The following UNC13C variants were observed in gnomAD, a reference collection of about 807,000 sequenced individuals.
UNC13C encodes unc-13 homolog C.
Under a neutral mutation model 245.4 loss-of-function variants are expected in UNC13C, and 174 were observed. The observed-to-expected ratio is 0.71, with a 90% CI of 0.63 to 0.80. The LOEUF (loss-of-function observed/expected upper bound fraction) is 0.80, where lower values mean the gene tolerates loss of function less well. UNC13C is among the 30% of genes least tolerant of loss of function. UNC13C has a pLI of 0.00. For missense variants in UNC13C, 2,829 were observed against 2,602.9 expected (o/e 1.09, Z -1.89); for synonymous variants, 992 against 895.1 (o/e 1.11, Z -1.93).
At chr15:54,231,263 A>G (rs2035543339) in intron 4 of UNC13C, among the ~76,000 whole-genome samples, 1 of 152,140 alleles carries the variant, frequency 6.6e-6, no homozygotes, top group African/African-American at 2.4e-5. Context: ...ATTATTAAGA[A>G]CATTAAGTCT....
At chr15:53,877,957 A>G in the UNC13C span, among the ~76,000 whole-genome samples, 1 of 152,136 alleles carries the variant, frequency 6.6e-6, no homozygotes, top group Non-Finnish European at 1.5e-5. Context: ...TGTTTCATTT[A>G]TATGTCTTGC....
chr15:54,196,864 T>G (rs1444769340), intron 4 of UNC13C, among the ~76,000 whole-genome samples: 3 of 152,258 alleles, frequency 2.0e-5, no homozygotes, highest in African/African-American at 7.2e-5. Flanking sequence ...GGAACAGTCA[T>G]GCTTAACAGT....
intron 1 of UNC13C, among the ~76,000 whole-genome samples, chr15:53,993,175 G>T (rs1041691932): frequency 6.6e-6 from 1 of 152,106 alleles, no homozygotes; most frequent in African/African-American, 2.4e-5. Context: ...ATGAGACAGA[G>T]AAATATACGC....
intron 30 of UNC13C, among the ~76,000 whole-genome samples, chr15:54,615,300 C>T (rs369619127): frequency 6.6e-6 from 1 of 152,046 alleles, no homozygotes; most frequent in African/African-American, 2.4e-5. Context: ...AAAAGAGGGT[C>T]TGTCTTCTTA....
At chr15:54,463,935 G>A (rs1007566592) in intron 19 of UNC13C, among the ~76,000 whole-genome samples, 1 of 152,204 alleles carries the variant, frequency 6.6e-6, no homozygotes, top group African/African-American at 2.4e-5. Flanking sequence ...GAGAAGGTCA[G>A]AGACTTATAG....
intron 17 of UNC13C, among the ~76,000 whole-genome samples, chr15:54,379,779 T>C (rs1282155790): frequency 6.6e-6 from 1 of 152,206 alleles, no homozygotes; most frequent in African/African-American, 2.4e-5. Context: ...CCACATACGT[T>C]TCTTTTACAT....
the UNC13C span, among the ~76,000 whole-genome samples, chr15:53,897,668 T>A: frequency 6.6e-6 from 1 of 152,354 alleles, no homozygotes; most frequent in East Asian, 1.9e-4. Flanking sequence ...TATTCAGGCC[T>A]TACCCAATGC....
chr15:54,157,671 G>T (rs1043059049), intron 4 of UNC13C, among the ~76,000 whole-genome samples: 5 of 152,126 alleles, frequency 3.3e-5, no homozygotes, highest in African/African-American at 1.2e-4. Flanking sequence ...CAGCATAGCT[G>T]TAAAACATGT....
At chr15:54,112,779 C>T (rs1019614840) in intron 2 of UNC13C, among the ~76,000 whole-genome samples, 4 of 152,158 alleles carry the variant, frequency 2.6e-5, no homozygotes, top group East Asian at 1.9e-4. Context: ...TTCTTTTTAA[C>T]GCTCATGTCA....
At chr15:53,954,223 C>T in the UNC13C span, among the ~76,000 whole-genome samples, 1 of 152,170 alleles carries the variant, frequency 6.6e-6, no homozygotes. Flanking sequence ...CTGCTGCATT[C>T]TTACATCATG....
chr15:54,352,368 T>A (rs1198429875), intron 17 of UNC13C, among the ~76,000 whole-genome samples: 2 of 145,974 alleles, frequency 1.4e-5, no homozygotes, highest in Non-Finnish European at 3.0e-5. Context: ...AGAGAGAGAG[T>A]GAGTCAGGTT....
chr15:54,219,063 A>G (rs952144552), intron 4 of UNC13C, among the ~76,000 whole-genome samples: 2 of 152,028 alleles, frequency 1.3e-5, no homozygotes, highest in African/African-American at 2.4e-5. Context: ...CCATCAAGCT[A>G]CCAATGACTT....
chr15:54,283,011 T>C (rs1172983020), intron 10 of UNC13C, among the ~76,000 whole-genome samples: 1 of 152,090 alleles, frequency 6.6e-6, no homozygotes, highest in Non-Finnish European at 1.5e-5. Context: ...AAGGTGGACA[T>C]GAAAACGTAG....
chr15:53,896,283 A>G, the UNC13C span, among the ~76,000 whole-genome samples: 947 of 152,276 alleles, frequency 6.2e-3, 12 homozygotes, highest in African/African-American at 0.022. Context: ...TATATGTACC[A>G]AATACAATTA....
chr15:53,908,521 T>C, the UNC13C span, among the ~76,000 whole-genome samples: 1 of 145,338 alleles, frequency 6.9e-6, no homozygotes, highest in African/African-American at 2.5e-5. Flanking sequence ...GACAGATTAC[T>C]TAAGCCCAGA....
At chr15:54,049,008 A>AT (rs1393745908) in intron 2 of UNC13C, 7 of 378,530 alleles carry the variant, frequency 1.8e-5, no homozygotes, top group African/African-American at 8.6e-5. Context: ...AAGTTTGAGA[A>AT]TTTTTTCTTC....
the UNC13C span, among the ~76,000 whole-genome samples, chr15:53,870,886 C>T: frequency 6.6e-6 from 1 of 152,162 alleles, no homozygotes; most frequent in African/African-American, 2.4e-5. Flanking sequence ...ATGCTTCTGT[C>T]CCTTCCTCAT....
At chr15:54,122,040 G>A (rs889181460) in intron 2 of UNC13C, among the ~76,000 whole-genome samples, 1 of 151,848 alleles carries the variant, frequency 6.6e-6, no homozygotes, top group Non-Finnish European at 1.5e-5. Context: ...CTGTCTATAG[G>A]TTGCTTTGGA....
At chr15:53,933,621 A>G in the UNC13C span, among the ~76,000 whole-genome samples, 1 of 152,120 alleles carries the variant, frequency 6.6e-6, no homozygotes, top group African/African-American at 2.4e-5. Flanking sequence ...CTTAACACGC[A>G]CAGTTAGCAT....
Sources: gnomAD v4.1 joint callset for allele counts (sites outside exome capture counted in the v4.1 genomes callset) on GRCh38, gnomAD v4.1.1 for gene constraint, MANE v1.5 for transcripts, NCBI Gene and HGNC (gene_info 2026-07-23, HGNC 2026-07-21) for gene names.